The following LPAR1 variants were observed in gnomAD, a reference collection of about 807,000 sequenced individuals.
The protein encoded by LPAR1 is lysophosphatidic acid receptor 1, also known as LPA receptor 1.
Under a neutral mutation model 23.8 loss-of-function variants are expected in LPAR1, and 5 were observed. That is an observed-to-expected ratio of 0.21 (90% confidence interval 0.11 to 0.44). The LOEUF (loss-of-function observed/expected upper bound fraction) is 0.44, where lower values mean the gene tolerates loss of function less well. Ranked by LOEUF, LPAR1 falls within the 20% of genes least tolerant of loss-of-function variation. The pLI is 0.99. For missense variants in LPAR1, 311 were observed against 482.8 expected, an observed-to-expected ratio of 0.64 and a Z score of 3.33; for synonymous variants, 160 against 164.7, an observed-to-expected ratio of 0.97 and a Z score of 0.22.
At chr9:110,925,742 C>T (rs1365165034) in intron 5 of LPAR1, among the ~76,000 whole-genome samples, 1 of 152,180 alleles carries the variant, frequency 6.6e-6, no homozygotes, top group Admixed American at 6.5e-5. Context: ...GAGAACATTA[C>T]ATTCACCGCA....
intron 2 of LPAR1, among the ~76,000 whole-genome samples, chr9:111,018,296 T>G (rs1287706493): frequency 6.6e-6 from 1 of 152,240 alleles, no homozygotes; most frequent in African/African-American, 2.4e-5. Flanking sequence ...GGTAGGAGTA[T>G]GAAGCATTAT....
intron 5 of LPAR1, among the ~76,000 whole-genome samples, chr9:110,936,601 T>A (rs1175723347): frequency 1.3e-5 from 2 of 152,220 alleles, no homozygotes; most frequent in Non-Finnish European, 2.9e-5. Flanking sequence ...TAGGGCCGCA[T>A]ACTGACCCTA....
chr9:110,957,335 G>T (rs2095794747), intron 4 of LPAR1, among the ~76,000 whole-genome samples: 1 of 114,652 alleles, frequency 8.7e-6, no homozygotes, highest in Non-Finnish European at 1.8e-5. Flanking sequence ...GTGATACTCT[G>T]TCTCAAAAAA....
intron 5 of LPAR1, among the ~76,000 whole-genome samples, chr9:110,895,704 C>T (rs575852123): frequency 1.3e-5 from 2 of 152,264 alleles, no homozygotes; most frequent in Admixed American, 6.5e-5. Flanking sequence ...ACTCTGGCCA[C>T]CTCGGTAAGA....
At chr9:110,958,758 G>C (rs1295102813) in intron 4 of LPAR1, among the ~76,000 whole-genome samples, 1 of 151,658 alleles carries the variant, frequency 6.6e-6, no homozygotes, top group Non-Finnish European at 1.5e-5. Context: ...AATAGAATGA[G>C]AGGCAACTGG....
At chr9:111,005,068 G>A (rs143995867) in intron 2 of LPAR1, among the ~76,000 whole-genome samples, 849 of 147,038 alleles carry the variant, frequency 5.8e-3, no homozygotes, top group Non-Finnish European at 0.01. Context: ...AGGCTAAAGC[G>A]CAAGCATTGG....
At chr9:110,889,078 T>C (rs2083267467) in intron 5 of LPAR1, among the ~76,000 whole-genome samples, 1 of 152,172 alleles carries the variant, frequency 6.6e-6, no homozygotes, top group Non-Finnish European at 1.5e-5. Flanking sequence ...TGTTAACACA[T>C]TGGCCGGGTG....
chr9:110,985,952 A>C (rs1011358280), intron 2 of LPAR1, among the ~76,000 whole-genome samples: 2 of 152,056 alleles, frequency 1.3e-5, no homozygotes, highest in Non-Finnish European at 2.9e-5. Flanking sequence ...TCACTCATGA[A>C]GACAGAGAGC....
intron 5 of LPAR1, among the ~76,000 whole-genome samples, chr9:110,929,259 T>C (rs1445879942): frequency 6.6e-6 from 1 of 152,162 alleles, no homozygotes. Context: ...CACTATCATC[T>C]TCACTAAAAT....
At chr9:110,937,433 G>T (rs542001188) in intron 5 of LPAR1, among the ~76,000 whole-genome samples, 5 of 152,148 alleles carry the variant, frequency 3.3e-5, no homozygotes, top group African/African-American at 9.7e-5. Flanking sequence ...TTGAATCCCC[G>T]TTCCTATACT....
intron 2 of LPAR1, among the ~76,000 whole-genome samples, chr9:111,030,976 T>C (rs1183388224): frequency 6.6e-6 from 1 of 152,158 alleles, no homozygotes; most frequent in Non-Finnish European, 1.5e-5. Flanking sequence ...CACATAAATA[T>C]ACATAAATAT....
chr9:111,017,702 A>T (rs554190789), intron 2 of LPAR1, among the ~76,000 whole-genome samples: 10 of 152,312 alleles, frequency 6.6e-5, no homozygotes, highest in African/African-American at 2.4e-4. Context: ...ATACCCTACC[A>T]TCAGTTGATG....
In LPAR1 at chr9:110,941,403, A is replaced by C. The variant is rs1464428670; in HGVS notation, c.793+18T>G. On this transcript the variant is annotated intron_variant, in intron 5 of 5. Coordinates refer to ENST00000683809, the MANE Select transcript of LPAR1 (RefSeq NM_001351411.2). The surrounding 1 kb of genome is among the most constrained non-coding windows in gnomAD (Gnocchi z 6.1). Reference sequence around the variant, plus strand: ...ACTGAGAATCTATAAAGTAAGTTACAGTCAAGACAGAACTTACCAAGCACA... The same window carrying C: ...ACTGAGAATCTATAAAGTAAGTTACCGTCAAGACAGAACTTACCAAGCACA... 1.9e-6 allele frequency: 3 copies of C among 1,585,872 alleles called. No individual in the cohort carries two copies. Among genetic ancestry groups the C allele is most frequent in the African/African-American group, 2.7e-5 (2 of 74,072 alleles).
At chr9:110,931,161 G>C (rs1467008091) in intron 5 of LPAR1, among the ~76,000 whole-genome samples, 1 of 152,052 alleles carries the variant, frequency 6.6e-6, no homozygotes, top group Non-Finnish European at 1.5e-5. Flanking sequence ...CCTTTGCCTA[G>C]GCTTACTTAG....
chr9:111,007,201 G>T (rs2097236696), intron 2 of LPAR1, among the ~76,000 whole-genome samples: 1 of 152,130 alleles, frequency 6.6e-6, no homozygotes, highest in Non-Finnish European at 1.5e-5. Context: ...TTCCTGTAGA[G>T]CCCGCAGAAT....
chr9:110,990,426 A>C (rs1388272598), intron 2 of LPAR1, among the ~76,000 whole-genome samples: 1 of 152,170 alleles, frequency 6.6e-6, no homozygotes, highest in Non-Finnish European at 1.5e-5. Flanking sequence ...ATTATCAATA[A>C]CAGAATGATC....
intron 1 of LPAR1, chr9:111,037,809 G>A (rs905842620): frequency 1.3e-5 from 2 of 152,274 alleles, no homozygotes; most frequent in East Asian, 1.9e-4. Flanking sequence ...GGCCACCTAC[G>A]TGTCACTGGG....
At chr9:110,915,816 C>T (rs1326895) in intron 5 of LPAR1, among the ~76,000 whole-genome samples, 15,925 of 152,100 alleles carry the variant, frequency 0.1, 1,114 homozygotes, top group Admixed American at 0.2. Flanking sequence ...TCATCAAAAA[C>T]GAAACACTGA....
At chr9:110,890,275 T>C (rs555204489) in intron 5 of LPAR1, among the ~76,000 whole-genome samples, 9 of 152,144 alleles carry the variant, frequency 5.9e-5, no homozygotes, top group East Asian at 3.9e-4. Context: ...ACAAAAAACA[T>C]AGAGAATATA....
Sources: allele counts gnomAD v4.1 joint callset (sites outside exome capture counted in the v4.1 genomes callset), GRCh38; gene constraint gnomAD v4.1.1; non-coding constraint Gnocchi (gnomAD v3.1); transcripts MANE v1.5; gene names NCBI Gene and HGNC (gene_info 2026-07-23, HGNC 2026-07-21).